Variants in KCNB2 observed in about 807,000 individuals in gnomAD.
The protein encoded by KCNB2 is delayed rectifier potassium channel protein.
Under a neutral mutation model 61.5 loss-of-function variants are expected in KCNB2, and 15 were observed. The ratio of observed to expected loss-of-function variants is 0.24; its 90% CI spans 0.16 to 0.38. The LOEUF is 0.38. Ranked by LOEUF, KCNB2 falls within the 10% of genes least tolerant of loss-of-function variation. The probability of loss-of-function intolerance (pLI) is 1.00; values close to 1 mark genes in which losing one functional copy is unlikely to be tolerated. For missense variants in KCNB2, 828 were observed against 1,125.2 expected, an observed-to-expected ratio of 0.74 and a Z score of 3.78; for synonymous variants, 457 against 446.0, an observed-to-expected ratio of 1.02 and a Z score of -0.31.
intron 2 of KCNB2, among the ~76,000 whole-genome samples, chr8:72,815,273 A>G (rs771914165): frequency 7.9e-5 from 12 of 152,186 alleles, no homozygotes; most frequent in Non-Finnish European, 1.6e-4. Flanking sequence ...AGTTACTTTC[A>G]TGAGATACGG....
chr8:72,678,253 A>G (rs565052905), intron 2 of KCNB2, among the ~76,000 whole-genome samples: 1 of 152,312 alleles, frequency 6.6e-6, no homozygotes, highest in East Asian at 1.9e-4. Context: ...AACTGAAACC[A>G]TATTGCATTA....
intron 1 of KCNB2, among the ~76,000 whole-genome samples, chr8:72,540,523 T>C (rs1380788375): frequency 6.6e-6 from 1 of 152,154 alleles, no homozygotes; most frequent in African/African-American, 2.4e-5. Flanking sequence ...TTGTTTGTTT[T>C]TTTTAAGGCT....
chr8:72,632,803 C>T (rs1014031260), intron 2 of KCNB2, among the ~76,000 whole-genome samples: 2 of 152,178 alleles, frequency 1.3e-5, no homozygotes, highest in Non-Finnish European at 2.9e-5. Flanking sequence ...GTCATTGCCA[C>T]CTCCAACCCC....
At chr8:72,619,314 T>C in intron 2 of KCNB2, 1 of 615,778 alleles carries the variant, frequency 1.6e-6, no homozygotes, top group Non-Finnish European at 3.2e-6. Flanking sequence ...AGGGGAAAAG[T>C]TCACACTCTC....
intron 2 of KCNB2, among the ~76,000 whole-genome samples, chr8:72,811,198 T>G (rs1446765064): frequency 2.0e-5 from 3 of 151,920 alleles, no homozygotes; most frequent in Non-Finnish European, 4.4e-5. Flanking sequence ...AGTCAAATTT[T>G]TAAATGGCTT....
intron 2 of KCNB2, among the ~76,000 whole-genome samples, chr8:72,896,084 A>G (rs185907195): frequency 4.2e-4 from 64 of 152,246 alleles, no homozygotes; most frequent in African/African-American, 1.5e-3. Flanking sequence ...AGCATTATCT[A>G]TACTCTGGCA....
chr8:72,700,682 T>G (rs1017960760), intron 2 of KCNB2, among the ~76,000 whole-genome samples: 13 of 152,062 alleles, frequency 8.5e-5, no homozygotes, highest in Non-Finnish European at 1.9e-4. Flanking sequence ...TTTGGAGATT[T>G]CTCAAAGTAC....
chr8:72,552,699 A>C (rs1806363456), intron 1 of KCNB2, among the ~76,000 whole-genome samples: 3 of 152,174 alleles, frequency 2.0e-5, no homozygotes, highest in Admixed American at 1.3e-4. Flanking sequence ...ATCCTATTGA[A>C]GGGATTTGAA....
intron 2 of KCNB2, among the ~76,000 whole-genome samples, chr8:72,756,719 C>T (rs1585875236): frequency 6.6e-6 from 1 of 152,082 alleles, no homozygotes; most frequent in African/African-American, 2.4e-5. Context: ...AAAGTTCCTG[C>T]AGTAGGTCAG....
At chr8:72,842,095 T>C (rs1261034861) in intron 2 of KCNB2, among the ~76,000 whole-genome samples, 2 of 136,228 alleles carry the variant, frequency 1.5e-5, no homozygotes, top group African/African-American at 5.4e-5. Context: ...TTTTGATATA[T>C]GTTTCACCAA....
At chr8:72,908,039 T>G (rs1426593561) in intron 2 of KCNB2, among the ~76,000 whole-genome samples, 1 of 152,206 alleles carries the variant, frequency 6.6e-6, no homozygotes, top group Non-Finnish European at 1.5e-5. Context: ...TCATATTGTA[T>G]GCATAGTTTG....
intron 2 of KCNB2, among the ~76,000 whole-genome samples, chr8:72,604,734 A>G (rs1317125358): frequency 1.3e-5 from 2 of 152,192 alleles, no homozygotes; most frequent in African/African-American, 2.4e-5. Flanking sequence ...ATTTTTCTGC[A>G]AAGTGTTTTT....
intron 2 of KCNB2, among the ~76,000 whole-genome samples, chr8:72,578,374 G>C (rs1437546202): frequency 6.6e-6 from 1 of 152,106 alleles, no homozygotes; most frequent in African/African-American, 2.4e-5. Context: ...TGAAATAGTA[G>C]GCCAGAATCT....
chr8:72,856,809 C>G (rs995338493), intron 2 of KCNB2, among the ~76,000 whole-genome samples: 1 of 152,148 alleles, frequency 6.6e-6, no homozygotes, highest in African/African-American at 2.4e-5. Flanking sequence ...AACTGGAATA[C>G]TGTTGCCTAG....
At chr8:72,549,296 CAATGTT>C (rs1209799370) in intron 1 of KCNB2, among the ~76,000 whole-genome samples, 8 of 152,142 alleles carry the variant, frequency 5.3e-5, no homozygotes, top group African/African-American at 1.9e-4. Context: ...ATCAAGGTGT[CAATGTT>C]AGGATAATGC....
At chr8:72,595,328 CT>C (rs774432625) in intron 2 of KCNB2, among the ~76,000 whole-genome samples, 565 of 138,340 alleles carry the variant, frequency 4.1e-3, no homozygotes, top group South Asian at 4.4e-3. Flanking sequence ...TTTTTTCTTT[CT>C]TTTTTTTTTT....
intron 2 of KCNB2, among the ~76,000 whole-genome samples, chr8:72,888,397 C>T (rs1313889931): frequency 5.9e-5 from 9 of 152,188 alleles, no homozygotes; most frequent in Non-Finnish European, 5.9e-5. Flanking sequence ...AGACGTTAGT[C>T]ACCGCACATG....
intron 2 of KCNB2, among the ~76,000 whole-genome samples, chr8:72,605,079 T>A (rs1477751019): frequency 2.0e-5 from 3 of 152,232 alleles, no homozygotes; most frequent in African/African-American, 7.2e-5. Flanking sequence ...CACCATGGTG[T>A]GTGCCACTCA....
chr8:72,663,448 C>T (rs943722907), intron 2 of KCNB2, among the ~76,000 whole-genome samples: 3 of 152,144 alleles, frequency 2.0e-5, no homozygotes, highest in African/African-American at 4.8e-5. Context: ...CACACTGCTT[C>T]GCTAAGCTCT....
Sources: gnomAD v4.1 joint callset for allele counts (sites outside exome capture counted in the v4.1 genomes callset) on GRCh38, gnomAD v4.1.1 for gene constraint, MANE v1.5 for transcripts, NCBI Gene and HGNC (gene_info 2026-07-23, HGNC 2026-07-21) for gene names.